The following GNL1 variants were observed in gnomAD, a reference collection of about 807,000 sequenced individuals.
GNL1 encodes G protein nucleolar 1, also known as guanine nucleotide-binding protein-like 1.
In GNL1, 21 loss-of-function variants were observed where a neutral mutation model predicts 75.2. That is an observed-to-expected ratio of 0.28 (90% CI 0.20 to 0.40). GNL1 has a LOEUF of 0.40. Ranked by LOEUF, GNL1 falls within the 10% of genes least tolerant of loss-of-function variation. The pLI, the probability that GNL1 is intolerant of heterozygous loss-of-function variation, is 1.00. For synonymous variants in GNL1, 287 were observed against 303.4 expected, an observed-to-expected ratio of 0.95 and a Z score of 0.56; for missense variants, 579 against 775.0, an observed-to-expected ratio of 0.75 and a Z score of 3.00.
chr6:30,549,727 T>C (rs1158395019), intron 8 of GNL1, among the ~76,000 whole-genome samples: 2 of 152,132 alleles, frequency 1.3e-5, no homozygotes, highest in Non-Finnish European at 2.9e-5. Context: ...CTCACTGTCC[T>C]TTGCCCAACT....
In GNL1 at chr6:30,546,002, G is replaced by C. The variant is rs561804425; in HGVS notation, c.*70C>G. On this transcript the variant is annotated 3_prime_UTR_variant, in exon 12 of 12. Transcript: ENST00000376621. The surrounding 1 kb of genome is among the most constrained non-coding windows in gnomAD (Gnocchi z 5.1). The stretch of plus-strand genomic sequence containing the variant: ...ATCTTTATTCACAATTGGGGTGGCA[G>C]AGGGGAGATACCCCCAGGTCAGTCC... 2.8e-6 allele frequency: 3 copies of C among 1,074,354 alleles called. No homozygotes were observed. In the Admixed American group the frequency reaches 6.8e-5, roughly 25 times the overall value. 66.6% of individuals were successfully genotyped at this position (1,074,354 alleles called of 1,614,324 possible). A position where few individuals can be genotyped will look rare whatever the true frequency, so the allele number is the denominator to read the frequency against.
In GNL1 at chr6:30,555,465, C is replaced by G. The variant is rs536522495; in HGVS notation, c.239+90G>C. 2 of 1,308,148 alleles carry G rather than the reference C, an allele frequency of 1.5e-6. No individual in the cohort carries two copies. The highest frequency in any genetic ancestry group is 1.5e-5 in the African/African-American group (1 of 68,674). The allele number at this position is 1,308,148 out of a possible 1,614,324, so 81.0% of individuals were successfully genotyped here. On this transcript the variant is annotated intron_variant, in intron 2 of 11. Coordinates refer to ENST00000376621, the MANE Select transcript of GNL1 (RefSeq NM_005275.5). The surrounding 1 kb of genome is among the most constrained non-coding windows in gnomAD (Gnocchi z 4.3). Reference sequence around the variant, plus strand: ...GAGAACTGTGGCATCCCAGGCCCACCGTCTTCACCAGTAGCAGCCCGCTTT... The same window carrying G: ...GAGAACTGTGGCATCCCAGGCCCACGGTCTTCACCAGTAGCAGCCCGCTTT...
In GNL1 at chr6:30,546,299, G is replaced by T; in HGVS notation, c.1597C>A (p.His533Asn). The change falls in exon 12 of 12, where the codon CAT becomes AAT. Residue 533 changes from histidine to asparagine, a missense_variant. His to Asn is a moderately conservative substitution (Grantham distance 68, BLOSUM62 1). Coordinates refer to ENST00000376621, the MANE Select transcript of GNL1 (RefSeq NM_005275.5). This position sits in a 1 kb window ranked among gnomAD's most constrained non-coding sequence, Gnocchi z 5.1. ...ACCACCAGCTCCGTGGTCTCTGGATGGGACTCCCAGGTGCCTGGGGAACCA... is the reference window on the plus strand; with the variant it reads ...ACCACCAGCTCCGTGGTCTCTGGATTGGACTCCCAGGTGCCTGGGGAACCA... ...YSEQKGTWESHPETTELVVLQ... is the reference protein window; with the variant it reads ...YSEQKGTWESNPETTELVVLQ... 1 of 1,592,906 alleles carries T rather than the reference G, an allele frequency of 6.3e-7. No individual in the cohort carries two copies. The highest frequency in any genetic ancestry group is 2.3e-5 in the East Asian group (1 of 44,220).
At position 30,541,891 on chromosome 6, in the gene GNL1, C is replaced by G. The variant is rs1481059989; in HGVS notation, c.*4181G>C. On this transcript the variant is annotated 3_prime_UTR_variant, in exon 12 of 12. Coordinates refer to ENST00000376621, the MANE Select transcript of GNL1 (RefSeq NM_005275.5). ...GGCGCCTGCCTGAGGGCACTCCCCT[C>G]ACTGGGACTCTCAGTACCACGCCCA... The G allele has an allele frequency of 1.3e-5, 2 of 152,262 alleles. No homozygotes were observed. Among genetic ancestry groups the G allele is most frequent in the Non-Finnish European group, 2.9e-5 (2 of 68,038 alleles). The allele number at this position is 152,262 out of a possible 1,614,324, so 9.4% of individuals were successfully genotyped here.
Position 30,541,738 on chromosome 6 carries a change from T to G in GNL1, c.*4334A>C, listed in dbSNP as rs1331615814. ...GAGTTTGTATTAGAATTTATAATTT[T>G]TACTGCATATTGCAGTTACTCGTAT... On this transcript the variant is annotated 3_prime_UTR_variant, in exon 12 of 12. Transcript: ENST00000376621. 3 of 152,236 alleles carry G rather than the reference T, an allele frequency of 2.0e-5. No homozygotes were observed. Among genetic ancestry groups the G allele is most frequent in the Non-Finnish European group, 4.4e-5 (3 of 68,032 alleles). 9.4% of individuals were successfully genotyped at this position (152,236 alleles called of 1,614,324 possible).
rs1022126317 is a variant in GNL1, at chr6:30,546,533, T to C, written c.1582+163A>G. On this transcript the variant is annotated intron_variant, in intron 11 of 11. Coordinates refer to ENST00000376621, the MANE Select transcript of GNL1 (RefSeq NM_005275.5). This position sits in a 1 kb window ranked among gnomAD's most constrained non-coding sequence, Gnocchi z 5.1. ...TTACAATCACTATGCTAAGGGTCAATTATTACCCTCAGTTTGCAGATCAGG... is the reference window on the plus strand; with the variant it reads ...TTACAATCACTATGCTAAGGGTCAACTATTACCCTCAGTTTGCAGATCAGG... 4.2e-6 allele frequency: 3 copies of C among 710,930 alleles called. No homozygotes were observed. Among genetic ancestry groups the C allele is most frequent in the Non-Finnish European group, 4.8e-6 (2 of 414,946 alleles). 44.0% of individuals were successfully genotyped at this position (710,930 alleles called of 1,614,324 possible).
chr6:30,547,514 T>C lies in GNL1; in HGVS notation c.1116A>G (p.Gly372=). 6.2e-7 allele frequency: 1 copy of C among 1,612,188 alleles called. No individual in the cohort carries two copies. The highest frequency in any genetic ancestry group is 8.5e-7 in the Non-Finnish European group (1 of 1,179,478). ...CCAGCCCATTGATCAGCGAGGACTT[T>C]CCCACATTAGGGAAACCTGAGGAAG... The part of the protein sequence containing the change: ...TIGCVGFPNV[G]KSSLINGLVG... Residue 372 remains glycine (G), a synonymous_variant, in exon 9 of 12, where the codon GGA becomes GGG. Coordinates refer to ENST00000376621, the MANE Select transcript of GNL1 (RefSeq NM_005275.5). This position sits in a 1 kb window ranked among gnomAD's most constrained non-coding sequence, Gnocchi z 5.5.
rs1428405418 is a variant in GNL1, at chr6:30,541,504, G to A, written c.*4568C>T. 1 of 152,158 alleles carries A rather than the reference G, an allele frequency of 6.6e-6. No individual in the cohort carries two copies. Among genetic ancestry groups the A allele is most frequent in the African/African-American group, 2.4e-5 (1 of 41,430 alleles). 9.4% of individuals were successfully genotyped at this position (152,158 alleles called of 1,614,324 possible). On this transcript the variant is annotated 3_prime_UTR_variant, in exon 12 of 12. Transcript: ENST00000376621. ...ATGCACTAACAATAAAATCAAAGTA[G>A]AAGCTAAACTATTCAGAAGCAGTAG...
chr6:30,551,005 C>T (rs181014723), intron 8 of GNL1, among the ~76,000 whole-genome samples: 2 of 152,270 alleles, frequency 1.3e-5, no homozygotes, highest in South Asian at 4.2e-4. Flanking sequence ...GATTTCGGAT[C>T]ACAAAATCTA....
At position 30,547,578 on chromosome 6, in the gene GNL1, A is replaced by G; in HGVS notation, c.1100-48T>C. ...ACGTTTAACAGGTTTCTACTCTGTG[A>G]TGGGACTTGGTGCTATACCTATAGG... On this transcript the variant is annotated intron_variant, in intron 8 of 11. Coordinates refer to ENST00000376621, the MANE Select transcript of GNL1 (RefSeq NM_005275.5). This position sits in a 1 kb window ranked among gnomAD's most constrained non-coding sequence, Gnocchi z 5.5. 1 of 1,520,506 alleles carries G rather than the reference A, an allele frequency of 6.6e-7. No homozygotes were observed. Among genetic ancestry groups the G allele is most frequent in the Non-Finnish European group, 9.1e-7 (1 of 1,096,394 alleles). The allele number at this position is 1,520,506 out of a possible 1,614,324, so 94.2% of individuals were successfully genotyped here. A position where few individuals can be genotyped will look rare whatever the true frequency, so the allele number is the denominator to read the frequency against.
intron 5 of GNL1, among the ~76,000 whole-genome samples, 182 bp from the exon 6 acceptor site, chr6:30,553,739 G>C (rs1441431259): frequency 1.3e-5 from 2 of 152,198 alleles, no homozygotes; most frequent in Non-Finnish European, 2.9e-5. Context: ...TAATACTTCT[G>C]AGTCTCAGAG....
At position 30,556,446 on chromosome 6, in the gene GNL1, G is replaced by A; in HGVS notation, c.-243C>T. The A allele has an allele frequency of 1.7e-6, 1 of 577,110 alleles. No homozygotes were observed. Among genetic ancestry groups the A allele is most frequent in the East Asian group, 3.0e-5 (1 of 33,296 alleles). 35.7% of individuals were successfully genotyped at this position (577,110 alleles called of 1,614,324 possible). A position where few individuals can be genotyped will look rare whatever the true frequency, so the allele number is the denominator to read the frequency against. Reference sequence around the variant, plus strand: ...ATGATGCGGGGTGGGCTACTGGCACGTGAGAGCCAGTGGCACCGAGAGGGC... The same window carrying A: ...ATGATGCGGGGTGGGCTACTGGCACATGAGAGCCAGTGGCACCGAGAGGGC... On this transcript the variant is annotated 5_prime_UTR_variant, in exon 1 of 12. The change creates a new upstream start codon in the 5' untranslated region. Coordinates refer to ENST00000376621, the MANE Select transcript of GNL1 (RefSeq NM_005275.5). The surrounding 1 kb of genome is among the most constrained non-coding windows in gnomAD (Gnocchi z 5.7).
chr6:30,541,897 G>C lies in GNL1; in HGVS notation c.*4175C>G, dbSNP rs1199089774. 6.6e-6 allele frequency: 1 copy of C among 152,160 alleles called. No individual in the cohort carries two copies. The highest frequency in any genetic ancestry group is 1.5e-5 in the Non-Finnish European group (1 of 68,022). 9.4% of individuals were successfully genotyped at this position (152,160 alleles called of 1,614,324 possible). A position where few individuals can be genotyped will look rare whatever the true frequency, so the allele number is the denominator to read the frequency against. ...TGCCTGAGGGCACTCCCCTCACTGG[G>C]ACTCTCAGTACCACGCCCACCTGTC... On this transcript the variant is annotated 3_prime_UTR_variant, in exon 12 of 12. Coordinates refer to ENST00000376621, the MANE Select transcript of GNL1 (RefSeq NM_005275.5).
chr6:30,555,781 C>A lies in GNL1; in HGVS notation c.74-61G>T. On this transcript the variant is annotated intron_variant, in intron 1 of 11. Transcript: ENST00000376621. The surrounding 1 kb of genome is among the most constrained non-coding windows in gnomAD (Gnocchi z 4.3). Reference sequence around the variant, plus strand: ...GCTCTCAGGGGCCATAAGACCCTCTCCCCCATCGGCCTGACTCCCTTTCAT... The same window carrying A: ...GCTCTCAGGGGCCATAAGACCCTCTACCCCATCGGCCTGACTCCCTTTCAT... The A allele has an allele frequency of 6.6e-7, 1 of 1,522,300 alleles. No individual in the cohort carries two copies. The highest frequency in any genetic ancestry group is 9.0e-7 in the Non-Finnish European group (1 of 1,107,758). 94.3% of individuals were successfully genotyped at this position (1,522,300 alleles called of 1,614,324 possible).
At position 30,548,681 on chromosome 6, in the gene GNL1, T is replaced by C. The variant is rs2516640; in HGVS notation, c.1100-1151A>G. 0.11 allele frequency among the ~76,000 whole-genome samples: 17,401 copies of C among 152,106 alleles called. 1,297 individuals are homozygous for C. The highest frequency in any genetic ancestry group is 0.16 in the Middle Eastern group (48 of 294). ...TCCAGCTCTGCCCATTCAGCACTGCTCCTGGGCAGCTGACTGTGGCTAAGA... is the reference window on the plus strand; with the variant it reads ...TCCAGCTCTGCCCATTCAGCACTGCCCCTGGGCAGCTGACTGTGGCTAAGA... On this transcript the variant is annotated intron_variant, in intron 8 of 11. Coordinates refer to ENST00000376621, the MANE Select transcript of GNL1 (RefSeq NM_005275.5). The surrounding 1 kb of genome is among the most constrained non-coding windows in gnomAD (Gnocchi z 4.2).
chr6:30,546,570 G>T lies in GNL1; in HGVS notation c.1582+126C>A. ...GTTTGCAGATCAGGAAAATATCACA[G>T]ATGTTAAGTAACAGAGCTAGCCAAC... On this transcript the variant is annotated intron_variant, in intron 11 of 11. Coordinates refer to ENST00000376621, the MANE Select transcript of GNL1 (RefSeq NM_005275.5). This position sits in a 1 kb window ranked among gnomAD's most constrained non-coding sequence, Gnocchi z 5.1. The T allele has an allele frequency of 1.3e-6, 1 of 797,928 alleles. No individual in the cohort carries two copies. The highest frequency in any genetic ancestry group is 2.1e-6 in the Non-Finnish European group (1 of 483,582). 49.4% of individuals were successfully genotyped at this position (797,928 alleles called of 1,614,324 possible).
At chr6:30,551,778 G>A (rs979546294) in intron 8 of GNL1, among the ~76,000 whole-genome samples, 8 of 152,026 alleles carry the variant, frequency 5.3e-5, no homozygotes, top group Non-Finnish European at 1.2e-4. Context: ...TATAAATACT[G>A]AGTTTTAACA....
Position 30,547,722 on chromosome 6 carries a change from A to T in GNL1, c.1100-192T>A, listed in dbSNP as rs766394565. On this transcript the variant is annotated intron_variant, in intron 8 of 11. Transcript: ENST00000376621. The surrounding 1 kb of genome is among the most constrained non-coding windows in gnomAD (Gnocchi z 5.5). ...CTTACCAGCTTTGTGATGTCAGGGCAACTAACTTTCTGAGCCTCTGTTTCT... is the reference window on the plus strand; with the variant it reads ...CTTACCAGCTTTGTGATGTCAGGGCTACTAACTTTCTGAGCCTCTGTTTCT... The T allele has an allele frequency of 1.3e-4, 75 of 579,584 alleles. No homozygotes were observed. The highest frequency in any genetic ancestry group is 2.1e-4 in the Non-Finnish European group (70 of 333,758). 35.9% of individuals were successfully genotyped at this position (579,584 alleles called of 1,614,324 possible). A position where few individuals can be genotyped will look rare whatever the true frequency, so the allele number is the denominator to read the frequency against.
intron 8 of GNL1, among the ~76,000 whole-genome samples, chr6:30,550,119 C>T (rs1716242766): frequency 6.6e-6 from 1 of 152,168 alleles, no homozygotes; most frequent in Admixed American, 6.5e-5. Context: ...AGCCACTGTG[C>T]CCAGCCTAAT....
Sources: allele counts gnomAD v4.1 joint callset (sites outside exome capture counted in the v4.1 genomes callset), GRCh38; gene constraint gnomAD v4.1.1; non-coding constraint Gnocchi (gnomAD v3.1); transcripts MANE v1.5; gene names NCBI Gene and HGNC (gene_info 2026-07-23, HGNC 2026-07-21).